Variants in EYS observed in about 807,000 individuals in gnomAD.
EYS encodes the protein protein eyes shut homolog.
EYS carries 250 observed loss-of-function variants against 282.1 expected under a neutral mutation model. The ratio of observed to expected loss-of-function variants is 0.89; its 90% CI spans 0.80 to 0.98. EYS has a LOEUF of 0.98. EYS is among the 50% of genes least tolerant of loss of function. The pLI is 0.00. For synonymous variants in EYS, 1,355 were observed against 1,282.9 expected (o/e 1.06, Z -1.20); for missense variants, 4,016 against 3,709.0 (o/e 1.08, Z -2.15).
intron 15 of EYS, among the ~76,000 whole-genome samples, chr6:64,935,108 A>T (rs933032996): frequency 5.9e-5 from 9 of 151,840 alleles, no homozygotes; most frequent in African/African-American, 2.2e-4. Context: ...GAGGTTACTT[A>T]TAATCTATAG....
intron 14 of EYS, among the ~76,000 whole-genome samples, chr6:64,983,459 T>C (rs1016758522): frequency 6.6e-6 from 1 of 151,298 alleles, no homozygotes; most frequent in Non-Finnish European, 1.5e-5. Context: ...ATTGAGTCAA[T>C]ACAACCAGTT....
chr6:64,140,657 T>G (rs1774311619), intron 31 of EYS, among the ~76,000 whole-genome samples: 1 of 152,174 alleles, frequency 6.6e-6, no homozygotes, highest in Admixed American at 6.5e-5. Context: ...GATTCCCATA[T>G]GGAAGGTCGC....
At chr6:63,742,081 C>T in intron 41 of EYS, 1 of 661,376 alleles carries the variant, frequency 1.5e-6, no homozygotes, top group Non-Finnish European at 2.8e-6. Context: ...TCTTTGAAAC[C>T]TCTTTAACTC....
chr6:65,383,091 C>T (rs1017495481), intron 8 of EYS, among the ~76,000 whole-genome samples: 6 of 151,900 alleles, frequency 3.9e-5, no homozygotes, highest in African/African-American at 9.7e-5. Context: ...AGTCCTTTGA[C>T]GTTTCATATC....
At chr6:65,119,790 CTGGAAGGTAG>C (rs1775476713) in intron 12 of EYS, among the ~76,000 whole-genome samples, 1 of 151,832 alleles carries the variant, frequency 6.6e-6, no homozygotes, top group African/African-American at 2.4e-5. Context: ...TCACTTGAGC[CTGGAAGGTAG>C]TGGCTGAGCT....
intron 26 of EYS, among the ~76,000 whole-genome samples, chr6:64,481,842 AG>A (rs1264111219): frequency 6.6e-6 from 1 of 151,732 alleles, no homozygotes; most frequent in Non-Finnish European, 1.5e-5. Flanking sequence ...TGCAAATAAA[AG>A]TTAGACAAAG....
At chr6:64,503,021 T>A (rs1247475076) in intron 26 of EYS, among the ~76,000 whole-genome samples, 2 of 152,220 alleles carry the variant, frequency 1.3e-5, no homozygotes, top group Non-Finnish European at 2.9e-5. Flanking sequence ...GTTGTTGCCA[T>A]AGCTATCTCC....
chr6:65,018,839 G>C (rs1284724068), intron 13 of EYS, among the ~76,000 whole-genome samples: 1 of 152,022 alleles, frequency 6.6e-6, no homozygotes, highest in Non-Finnish European at 1.5e-5. Context: ...TTGTTTAGTA[G>C]TTCTGAATTG....
In EYS at chr6:65,349,392, T is replaced by A. The variant is rs574647938; in HGVS notation, c.1459+4066A>T. Among the ~76,000 whole-genome samples the A allele has an allele frequency of 6.6e-5, 10 of 151,634 alleles. No homozygotes were observed. The East Asian group carries it at 1.7e-3, about 26-fold the overall frequency. ...ATGTCAATTTCATAGAACACAAAGA[T>A]AACACCATTATTTTATTAAAATCTC... On this transcript the variant is annotated intron_variant, in intron 9 of 42. Transcript: ENST00000503581.
At chr6:65,638,434 A>T (rs990028930) in intron 2 of EYS, among the ~76,000 whole-genome samples, 2 of 152,184 alleles carry the variant, frequency 1.3e-5, no homozygotes, top group Admixed American at 6.5e-5. Context: ...GGCGATGAAA[A>T]GGAGAGAAGA....
At chr6:65,042,885 A>C (rs890165405) in intron 13 of EYS, among the ~76,000 whole-genome samples, 2 of 151,242 alleles carry the variant, frequency 1.3e-5, no homozygotes, top group African/African-American at 4.8e-5. Flanking sequence ...TTTACGAGAT[A>C]CTTTAAAACT....
At chr6:63,921,098 G>C (rs1764562302) in intron 35 of EYS, among the ~76,000 whole-genome samples, 3 of 152,084 alleles carry the variant, frequency 2.0e-5, no homozygotes, top group African/African-American at 7.2e-5. Flanking sequence ...GGGTTTCACC[G>C]TGTTAACCAG....
At chr6:65,126,369 T>A (rs570303173) in intron 12 of EYS, among the ~76,000 whole-genome samples, 1 of 152,274 alleles carries the variant, frequency 6.6e-6, no homozygotes, top group South Asian at 2.1e-4. Flanking sequence ...AGAAATGTCA[T>A]CATGGTTTCT....
chr6:65,088,954 C>G (rs1023905515), intron 12 of EYS, among the ~76,000 whole-genome samples: 13 of 152,146 alleles, frequency 8.5e-5, no homozygotes, highest in African/African-American at 3.1e-4. Flanking sequence ...AGGCCACAGG[C>G]TTTGGCAGTT....
chr6:64,000,416 C>A (rs1768040428), intron 33 of EYS, among the ~76,000 whole-genome samples: 1 of 150,470 alleles, frequency 6.6e-6, no homozygotes, highest in Non-Finnish European at 1.5e-5. Flanking sequence ...TGGTCTCGAT[C>A]TCCTGACCTC....
chr6:64,802,744 G>A (rs1764286144), intron 22 of EYS, among the ~76,000 whole-genome samples: 2 of 152,094 alleles, frequency 1.3e-5, no homozygotes, highest in East Asian at 3.9e-4. Flanking sequence ...GAGTTCCCTG[G>A]TTAAAATCAG....
intron 33 of EYS, among the ~76,000 whole-genome samples, chr6:64,005,763 G>A (rs907197970): frequency 6.6e-6 from 1 of 152,020 alleles, no homozygotes; most frequent in Admixed American, 6.6e-5. Flanking sequence ...CTTTATTGAA[G>A]ATCAGATAGT....
rs1388406186 is a variant in EYS, at chr6:64,345,481, G to T, written c.6079-38399C>A. Among the ~76,000 whole-genome samples the T allele has an allele frequency of 3.3e-5, 5 of 152,068 alleles. No homozygotes were observed. The East Asian group carries it at 9.7e-4, about 29-fold the overall frequency. On this transcript the variant is annotated intron_variant, in intron 29 of 42. Transcript: ENST00000503581. ...TTCCCTATTTAATAAATGGTGCTGG[G>T]AAAACTGGCTAGCCATATGTAGAAA...
At chr6:64,837,344 T>TATATGACAAGGC (rs1562217974) in intron 19 of EYS, among the ~76,000 whole-genome samples, 3 of 151,016 alleles carry the variant, frequency 2.0e-5, no homozygotes, top group African/African-American at 7.3e-5. Flanking sequence ...AAAATAAAGG[T>TATATGACAAGGC]CATATATGAC....
Sources: gnomAD v4.1 joint callset for allele counts (sites outside exome capture counted in the v4.1 genomes callset) on GRCh38, gnomAD v4.1.1 for gene constraint, MANE v1.5 for transcripts, NCBI Gene and HGNC (gene_info 2026-07-23, HGNC 2026-07-21) for gene names.